PLCG2: variants seen among roughly 807,000 people sequenced by gnomAD.
PLCG2 encodes phospholipase C gamma 2.
A neutral mutation model predicts 175.6 loss-of-function variants in PLCG2; 69 were observed. That is an observed-to-expected ratio of 0.39 (90% CI 0.32 to 0.48). The LOEUF (loss-of-function observed/expected upper bound fraction) is 0.48. PLCG2 is among the 20% of genes least tolerant of loss of function. The pLI, the probability that PLCG2 is intolerant of heterozygous loss-of-function variation, is 0.91. For synonymous variants in PLCG2, 827 were observed against 624.0 expected (o/e 1.33, Z -4.85); for missense variants, 1,798 against 1,650.9 (o/e 1.09, Z -1.54).
intron 1 of PLCG2, among the ~76,000 whole-genome samples, chr16:81,781,605 C>T (rs1025130894): frequency 1.3e-5 from 2 of 152,192 alleles, no homozygotes; most frequent in Admixed American, 1.3e-4. Context: ...CTCTCACTTG[C>T]AGTGGCTGAC....
Position 81,768,552 on chromosome 16 carries a change from GTTTTTTTTT to G in PLCG2, c.-48+12605_-48+12613del, listed in dbSNP as rs769292122. Among the ~76,000 whole-genome samples the G allele has an allele frequency of 1.6e-3, 166 of 105,384 alleles. 2 individuals carry two copies. Among genetic ancestry groups the G allele is most frequent in the Middle Eastern group, 5.9e-3 (1 of 170 alleles). 69.1% of individuals were successfully genotyped at this position (105,384 alleles called of 152,430 possible). On this transcript the variant is annotated intron_variant, in intron 2 of 5. Transcript: ENST00000565054. ...TCACCAGCACTCGGTGTTATCCTCA[GTTTTTTTTT>G]TTTTTTTTTTTTTTTTTTCCCGAGA...
chr16:81,742,880 G>C (rs1909625593), intron 1 of PLCG2, among the ~76,000 whole-genome samples: 1 of 152,182 alleles, frequency 6.6e-6, no homozygotes, highest in Admixed American at 6.5e-5. Context: ...CGCTCCTCTT[G>C]TTCTTCCAGA....
At chr16:81,835,350 C>G (rs999605445) in intron 2 of PLCG2, among the ~76,000 whole-genome samples, 1 of 152,016 alleles carries the variant, frequency 6.6e-6, no homozygotes, top group East Asian at 1.9e-4. Context: ...AATCCCAGCA[C>G]TTTGGGAGGC....
intron 24 of PLCG2, among the ~76,000 whole-genome samples, chr16:81,931,018 GT>G (rs1389053586): frequency 1.3e-5 from 2 of 152,124 alleles, no homozygotes; most frequent in African/African-American, 4.8e-5. Context: ...GATATTCAGT[GT>G]TTCTTTTGAT....
intron 18 of PLCG2, among the ~76,000 whole-genome samples, chr16:81,910,990 A>G (rs1597126148): frequency 6.6e-6 from 1 of 151,468 alleles, no homozygotes; most frequent in East Asian, 1.9e-4. Context: ...TTTGATTTTC[A>G]GAGGGTCATT....
chr16:81,806,662 T>G (rs1364025142), intron 2 of PLCG2, among the ~76,000 whole-genome samples: 1 of 151,666 alleles, frequency 6.6e-6, no homozygotes, highest in Non-Finnish European at 1.5e-5. Flanking sequence ...TTTTTATATA[T>G]GGAAAGAAAT....
intron 1 of PLCG2, among the ~76,000 whole-genome samples, chr16:81,779,779 C>T (rs756544481): frequency 9.2e-5 from 14 of 152,118 alleles, no homozygotes; most frequent in Non-Finnish European, 1.3e-4. Flanking sequence ...GGGGTGGCGC[C>T]GTCTCTCTTG....
chr16:81,936,373 C>T lies in PLCG2; in HGVS notation c.3047C>T (p.Thr1016Met), dbSNP rs755551138. The T allele has an allele frequency of 1.5e-5, 24 of 1,613,362 alleles. No individual in the cohort carries two copies. Among genetic ancestry groups the T allele is most frequent in the Admixed American group, 8.3e-5 (5 of 60,010 alleles). The stretch of plus-strand genomic sequence containing the variant: ...CAGATGGTGGCACTCAATTTCCAGA[C>T]GGCAGGTAAAGGCCGACTGAAGGTA... ...GSQMVALNFQ[T>M]ADKYMQMNHA... Residue 1016 changes from threonine (T) to methionine (M), a missense_variant, in exon 27 of 33, where the codon ACG becomes ATG. Transcript: ENST00000564138.
At chr16:81,803,674 T>G (rs1254433620) in intron 2 of PLCG2, among the ~76,000 whole-genome samples, 2 of 126,718 alleles carry the variant, frequency 1.6e-5, no homozygotes, top group Non-Finnish European at 3.3e-5. Flanking sequence ...CCTTCCTTCC[T>G]TCCTTCCTTT....
intron 1 of PLCG2, among the ~76,000 whole-genome samples, chr16:81,744,884 A>G (rs1386335513): frequency 6.6e-6 from 1 of 152,166 alleles, no homozygotes; most frequent in Non-Finnish European, 1.5e-5. Context: ...GGAATTTTTT[A>G]GGGCATCTGG....
chr16:81,895,779 A>G, intron 12 of PLCG2, 28 bp from the exon 13 acceptor site: 3 of 1,613,788 alleles, frequency 1.9e-6, no homozygotes, highest in Non-Finnish European at 2.5e-6. Flanking sequence ...CACACGTGGT[A>G]TTGAGGCTGC....
At chr16:81,851,616 G>A (rs147418247) in intron 2 of PLCG2, among the ~76,000 whole-genome samples, 1 of 152,116 alleles carries the variant, frequency 6.6e-6, no homozygotes, top group Non-Finnish European at 1.5e-5. Context: ...GAGTTCAGGC[G>A]ATTCTTCTGC....
intron 7 of PLCG2, among the ~76,000 whole-genome samples, chr16:81,871,828 G>A (rs1907531354): frequency 6.8e-6 from 1 of 146,402 alleles, no homozygotes; most frequent in South Asian, 2.3e-4. Context: ...ACTTATGCTG[G>A]CAAAGTACCT....
At chr16:81,892,946 C>G (rs1908705979) in intron 11 of PLCG2, among the ~76,000 whole-genome samples, 1 of 151,522 alleles carries the variant, frequency 6.6e-6, no homozygotes, top group African/African-American at 2.4e-5. Flanking sequence ...CCCGGTTCAA[C>G]AGATTCTCCT....
intron 1 of PLCG2, 95 bp from the exon 2 acceptor site, chr16:81,785,848 C>G (rs1401081108): frequency 2.7e-6 from 2 of 728,898 alleles, no homozygotes; most frequent in Non-Finnish European, 4.6e-6. Flanking sequence ...TCCTGATTGA[C>G]ATGAGACAGG....
chr16:81,934,660 C>A (rs1910634849), intron 26 of PLCG2, 129 bp downstream of exon 26: 1 of 672,840 alleles, frequency 1.5e-6, no homozygotes, highest in Non-Finnish European at 2.6e-6. Flanking sequence ...GATGGCCCCA[C>A]CTTGGGTTTG....
At chr16:81,816,102 G>A (rs1319545915) in intron 2 of PLCG2, among the ~76,000 whole-genome samples, 6 of 150,786 alleles carry the variant, frequency 4.0e-5, no homozygotes, top group Non-Finnish European at 1.5e-5. Flanking sequence ...CAGGCACGAT[G>A]GCTTATGCCG....
intron 2 of PLCG2, among the ~76,000 whole-genome samples, chr16:81,798,220 C>G (rs569999895): frequency 6.6e-6 from 1 of 152,306 alleles, no homozygotes; most frequent in African/African-American, 2.4e-5. Flanking sequence ...AAGTGATTGT[C>G]ACAAGTCCAG....
chr16:81,933,751 A>C (rs1910599664), intron 25 of PLCG2, among the ~76,000 whole-genome samples: 1 of 152,208 alleles, frequency 6.6e-6, no homozygotes, highest in African/African-American at 2.4e-5. Flanking sequence ...TATTATCTAA[A>C]TATTCTCTCA....
Sources: allele counts gnomAD v4.1 joint callset (sites outside exome capture counted in the v4.1 genomes callset), GRCh38; gene constraint gnomAD v4.1.1; transcripts MANE v1.5; gene names NCBI Gene and HGNC (gene_info 2026-07-23, HGNC 2026-07-21).